The following SHISA6 variants were observed in gnomAD, a reference collection of about 807,000 sequenced individuals.
The protein encoded by SHISA6 is protein shisa-6.
SHISA6 carries 22 observed loss-of-function variants against 47.9 expected under a neutral mutation model. That is an observed-to-expected ratio of 0.46 (90% CI 0.33 to 0.66). The LOEUF (loss-of-function observed/expected upper bound fraction) is 0.66, where lower values mean the gene tolerates loss of function less well. Ranked by LOEUF, SHISA6 falls within the 30% of genes least tolerant of loss-of-function variation. The pLI is 0.02. For synonymous variants in SHISA6, 388 were observed against 337.8 expected, an observed-to-expected ratio of 1.15 and a Z score of -1.63; for missense variants, 680 against 764.6, an observed-to-expected ratio of 0.89 and a Z score of 1.30.
At chr17:11,268,381 G>C (rs377103216) in intron 2 of SHISA6, among the ~76,000 whole-genome samples, 10 of 152,090 alleles carry the variant, frequency 6.6e-5, no homozygotes, top group African/African-American at 2.4e-4. Flanking sequence ...ATCCCCCCAC[G>C]CCTCTCTGAC....
chr17:11,312,950 T>TCAAA (rs1307513396), intron 2 of SHISA6, among the ~76,000 whole-genome samples: 12 of 152,110 alleles, frequency 7.9e-5, no homozygotes, highest in African/African-American at 2.7e-4. Flanking sequence ...ATAAACTCTG[T>TCAAA]CAAACAAACA....
At chr17:11,394,106 G>A (rs958731090) in intron 3 of SHISA6, among the ~76,000 whole-genome samples, 12 of 152,108 alleles carry the variant, frequency 7.9e-5, no homozygotes, top group African/African-American at 2.7e-4. Flanking sequence ...GCCCCTGTGT[G>A]AGCAAGGACC....
chr17:11,408,183 A>G (rs1402807351), intron 3 of SHISA6, among the ~76,000 whole-genome samples: 3 of 152,204 alleles, frequency 2.0e-5, no homozygotes, highest in Admixed American at 2.0e-4. Flanking sequence ...GAACTTCACA[A>G]TAGTTTCTAT....
chr17:11,338,734 A>G (rs1458495292), intron 2 of SHISA6, among the ~76,000 whole-genome samples: 1 of 152,118 alleles, frequency 6.6e-6, no homozygotes, highest in African/African-American at 2.4e-5. Flanking sequence ...ACTTTTAACA[A>G]AAGATTTATC....
intron 3 of SHISA6, among the ~76,000 whole-genome samples, chr17:11,442,110 C>T (rs1397461616): frequency 6.6e-6 from 1 of 152,168 alleles, no homozygotes; most frequent in Non-Finnish European, 1.5e-5. Flanking sequence ...GCCTCACAGA[C>T]CTGGTGCCAT....
At chr17:11,433,225 TC>T (rs59290223) in intron 3 of SHISA6, among the ~76,000 whole-genome samples, 19,421 of 151,948 alleles carry the variant, frequency 0.13, 1,518 homozygotes, top group African/African-American at 0.21. Context: ...ATGCTATCCC[TC>T]CCCCTAGCCC....
intron 3 of SHISA6, among the ~76,000 whole-genome samples, chr17:11,522,486 G>A (rs2071639130): frequency 6.6e-6 from 1 of 152,110 alleles, no homozygotes; most frequent in Non-Finnish European, 1.5e-5. Context: ...GGGGGATTTG[G>A]ACACCAAAGA....
At chr17:11,505,670 C>A (rs1233355468) in intron 3 of SHISA6, among the ~76,000 whole-genome samples, 1 of 152,188 alleles carries the variant, frequency 6.6e-6, no homozygotes, top group African/African-American at 2.4e-5. Flanking sequence ...GATAAGGTAA[C>A]TGGGTTCATT....
chr17:11,544,316 TAATAATG>T (rs1422586487), intron 3 of SHISA6, among the ~76,000 whole-genome samples: 1 of 152,140 alleles, frequency 6.6e-6, no homozygotes, highest in African/African-American at 2.4e-5. Flanking sequence ...ACCTTCTATC[TAATAATG>T]GACTAATATC....
At position 11,376,914 on chromosome 17, in the gene SHISA6, G is replaced by C. The variant is rs537719082; in HGVS notation, c.800-2500G>C. ...ACCCTGCGATCTGTGCCATCCAAGA[G>C]AGTGTGGTGCACGCTCAACTTTGAG... On this transcript the variant is annotated intron_variant, in intron 2 of 5. Transcript: ENST00000441885. Among the ~76,000 whole-genome samples the C allele has an allele frequency of 2.2e-4, 33 of 152,354 alleles. 1 individual carries two copies. Among genetic ancestry groups the C allele is most frequent in the African/African-American group, 7.0e-4 (29 of 41,588 alleles).
chr17:11,468,287 A>T (rs1490566549), intron 3 of SHISA6, among the ~76,000 whole-genome samples: 1 of 151,972 alleles, frequency 6.6e-6, no homozygotes, highest in Non-Finnish European at 1.5e-5. Flanking sequence ...TTAGAGTATG[A>T]CTGTAGCCAT....
At chr17:11,450,010 A>G (rs894515860) in intron 3 of SHISA6, among the ~76,000 whole-genome samples, 5 of 152,074 alleles carry the variant, frequency 3.3e-5, no homozygotes, top group Non-Finnish European at 7.4e-5. Context: ...TCAGCCTCCC[A>G]AGTAGCTGGG....
At chr17:11,361,113 T>C (rs1423843216) in intron 2 of SHISA6, among the ~76,000 whole-genome samples, 1 of 152,024 alleles carries the variant, frequency 6.6e-6, no homozygotes, top group Non-Finnish European at 1.5e-5. Context: ...TTAATTATCA[T>C]AGCCTTACGT....
At chr17:11,554,819 GC>G (rs1023581266) in intron 4 of SHISA6, among the ~76,000 whole-genome samples, 27 of 151,734 alleles carry the variant, frequency 1.8e-4, no homozygotes, top group African/African-American at 6.5e-4. Flanking sequence ...CATCCTCACT[GC>G]CTCCCTCACC....
intron 3 of SHISA6, among the ~76,000 whole-genome samples, chr17:11,487,588 G>A (rs148322878): frequency 8.5e-5 from 13 of 152,278 alleles, no homozygotes; most frequent in South Asian, 6.2e-4. Flanking sequence ...GGCTCAAGCC[G>A]GAGGAATGTA....
At chr17:11,296,429 G>C (rs934811727) in intron 2 of SHISA6, among the ~76,000 whole-genome samples, 3 of 152,176 alleles carry the variant, frequency 2.0e-5, no homozygotes, top group Non-Finnish European at 4.4e-5. Flanking sequence ...CTTGATTTGT[G>C]TATGGATTGG....
intron 2 of SHISA6, among the ~76,000 whole-genome samples, chr17:11,375,778 G>C (rs1214108667): frequency 2.6e-5 from 4 of 152,196 alleles, no homozygotes; most frequent in Non-Finnish European, 4.4e-5. Context: ...GGAGGTCGAG[G>C]CAGCCTGAGC....
intron 3 of SHISA6, among the ~76,000 whole-genome samples, chr17:11,415,085 A>G (rs1318456798): frequency 6.6e-6 from 1 of 152,154 alleles, no homozygotes; most frequent in Non-Finnish European, 1.5e-5. Flanking sequence ...ATCTAAAAAA[A>G]AAAAAAGAAA....
intron 4 of SHISA6, among the ~76,000 whole-genome samples, chr17:11,553,858 A>T (rs527914212): frequency 6.6e-5 from 10 of 152,198 alleles, no homozygotes; most frequent in Non-Finnish European, 1.5e-4. Context: ...TAAAGAACAG[A>T]TATTGTCGTT....
Sources: gnomAD v4.1 joint callset for allele counts (sites outside exome capture counted in the v4.1 genomes callset) on GRCh38, gnomAD v4.1.1 for gene constraint, MANE v1.5 for transcripts, NCBI Gene and HGNC (gene_info 2026-07-23, HGNC 2026-07-21) for gene names.